Variants in SLC9A6 observed in about 807,000 individuals in gnomAD.
SLC9A6 encodes sodium/hydrogen exchanger 6.
Under a neutral mutation model 45.3 loss-of-function variants are expected in SLC9A6, and 6 were observed. That is an observed-to-expected ratio of 0.13 (90% CI 0.07 to 0.26). The LOEUF is 0.26. Among genes scored for constraint, SLC9A6 ranks in the 10% least tolerant of loss-of-function variants. The pLI, the probability that SLC9A6 is intolerant of heterozygous loss-of-function variation, is 1.00. For synonymous variants in SLC9A6, 191 were observed against 187.7 expected (o/e 1.02, Z -0.14); for missense variants, 278 against 503.7 (o/e 0.55, Z 4.29).
chrX:136,010,429 C>A lies in SLC9A6; in HGVS notation c.744-13C>A. On this transcript the variant is annotated splice_polypyrimidine_tract_variant and intron_variant, in intron 7 of 17. Transcript: ENST00000630721. ...GGTTGTTTTCAGAAGTAAAAGCAGT[C>A]TCTCTTCTGTAGCTCAATAGTGGCA... 1 of 1,209,007 alleles carries A rather than the reference C, an allele frequency of 8.3e-7. No individual in the cohort carries two copies. The highest frequency in any genetic ancestry group is 1.7e-5 in the African/African-American group (1 of 57,611).
chrX:136,010,466 T>A lies in SLC9A6; in HGVS notation c.768T>A (p.Ala256=). 1 of 1,211,738 alleles carries A rather than the reference T, an allele frequency of 8.3e-7. No homozygotes were observed. The highest frequency in any genetic ancestry group is 1.1e-6 in the Non-Finnish European group (1 of 895,140). ...LSSSIVAYQP[A]GDNSHTFDVT... ...GCTCAATAGTGGCATACCAGCCAGC[T>A]GGAGACAACAGTCACACCTTTGATG... is the stretch of plus-strand genomic sequence containing the variant. Residue 256 remains alanine (A), a synonymous_variant, in exon 8 of 18, where the codon GCT becomes GCA. Coordinates refer to ENST00000630721, the MANE Select transcript of SLC9A6 (RefSeq NM_001379110.1).
chrX:135,995,081 A>G (rs2089479909), intron 3 of SLC9A6, 96 bp downstream of exon 3: 7 of 553,245 alleles, frequency 1.3e-5, no homozygotes, highest in Non-Finnish European at 1.8e-5. Flanking sequence ...AATGATATTT[A>G]AAATAATGAG....
chrX:135,988,456 TTTTC>T (rs1235040133), intron 2 of SLC9A6, among the ~76,000 whole-genome samples: 51 of 107,433 alleles, frequency 4.7e-4, no homozygotes, highest in East Asian at 1.2e-3. Context: ...TTTCTCTCTC[TTTTC>T]TTTCTTTCTT....
chrX:136,029,860 CA>C, intron 14 of SLC9A6: 1 of 378,354 alleles, frequency 2.6e-6, no homozygotes, highest in Non-Finnish European at 4.7e-6. Context: ...GACCTATATT[CA>C]GAGAAAAAAA....
chrX:136,013,526 G>T, intron 10 of SLC9A6, 89 bp downstream of exon 10: 2 of 648,389 alleles, frequency 3.1e-6, no homozygotes, highest in Admixed American at 2.7e-5. Context: ...AATAGTCTTT[G>T]ATCTGTTCAA....
intron 11 of SLC9A6, among the ~76,000 whole-genome samples, chrX:136,016,988 C>A (rs1167092114): frequency 9.0e-6 from 1 of 111,104 alleles, no homozygotes; most frequent in African/African-American, 3.3e-5. Flanking sequence ...GACAAGTGTC[C>A]CACTGTTCTG....
At chrX:136,009,952 G>T (rs1006510186) in intron 7 of SLC9A6, among the ~76,000 whole-genome samples, 53 of 112,086 alleles carry the variant, frequency 4.7e-4, no homozygotes, top group Non-Finnish European at 3.8e-5. Flanking sequence ...AATTCTAAAA[G>T]TTGGAAGGGT....
chrX:136,020,350 T>A lies in SLC9A6; in HGVS notation c.1195-2236T>A, dbSNP rs782074027. 8.4e-3 allele frequency among the ~76,000 whole-genome samples: 940 copies of A among 111,333 alleles called. 9 individuals are homozygous for A. Among genetic ancestry groups the A allele is most frequent in the African/African-American group, 0.03 (906 of 30,620 alleles). ...TTGTTTTATTCAGTCATTTTTTAAT[T>A]ATTATTACTTTTTTTTTTGAGACAG... On this transcript the variant is annotated intron_variant, in intron 11 of 17. Transcript: ENST00000630721.
rs782056346 is a variant in SLC9A6, at chrX:135,985,725, C to T, written c.67C>T (p.Leu23Phe). ...CCACCGGCAGGACAGCGCCAACCTG[C>T]TCATCTTCATCCTGCTGCTCACCCT... is the stretch of plus-strand genomic sequence containing the variant. ...ESHRQDSANL[L>F]IFILLLTLTI... The change falls in exon 2 of 18, where the codon CTC becomes TTC. Residue 23 changes from leucine to phenylalanine, a missense_variant. Physicochemically the swap from Leu to Phe is conservative, Grantham distance 22. Coordinates refer to ENST00000630721, the MANE Select transcript of SLC9A6 (RefSeq NM_001379110.1). 1 of 1,210,024 alleles carries T rather than the reference C, an allele frequency of 8.3e-7. No homozygotes were observed. The highest frequency in any genetic ancestry group is 1.1e-6 in the Non-Finnish European group (1 of 895,138).
At chrX:135,978,086 A>G (rs1011770392) in intron 1 of SLC9A6, among the ~76,000 whole-genome samples, 1 of 112,542 alleles carries the variant, frequency 8.9e-6, no homozygotes, top group East Asian at 2.8e-4. Context: ...ATATAAAGTG[A>G]TTAGAATAGT....
At chrX:135,984,642 A>G (rs1288441403), upstream of SLC9A6, among the ~76,000 whole-genome samples, 5 of 111,773 alleles carry the variant, frequency 4.5e-5, no homozygotes, top group South Asian at 1.5e-3. Context: ...GAGGAATACT[A>G]AAGAGGAGAG....
At chrX:135,976,201 G>C (rs992107973) in intron 1 of SLC9A6, among the ~76,000 whole-genome samples, 3 of 111,023 alleles carry the variant, frequency 2.7e-5, no homozygotes, top group Admixed American at 9.6e-5. Flanking sequence ...TACAAATGTA[G>C]TTCTATTTAT....
intron 8 of SLC9A6, among the ~76,000 whole-genome samples, chrX:136,011,446 C>T (rs1275944793): frequency 1.8e-5 from 2 of 109,827 alleles, no homozygotes; most frequent in Admixed American, 9.7e-5. Context: ...TTCATCATGT[C>T]GGCCAGGCTG....
chrX:136,037,834 T>A (rs1429886169), intron 16 of SLC9A6, among the ~76,000 whole-genome samples: 3 of 112,742 alleles, frequency 2.7e-5, no homozygotes, highest in African/African-American at 9.7e-5. Flanking sequence ...CCTCCCAAAG[T>A]GCTGGGATTA....
intron 1 of SLC9A6, among the ~76,000 whole-genome samples, chrX:135,976,558 C>T (rs1016934724): frequency 2.8e-4 from 30 of 107,223 alleles, no homozygotes; most frequent in African/African-American, 8.6e-4. Context: ...GCCGAGATCA[C>T]GCCATTGCAC....
At chrX:136,015,274 T>C (rs1042776922) in intron 10 of SLC9A6, among the ~76,000 whole-genome samples, 1 of 112,806 alleles carries the variant, frequency 8.9e-6, no homozygotes, top group Non-Finnish European at 1.9e-5. Context: ...TTAAAATATA[T>C]AGTCTATGGC....
intron 6 of SLC9A6, among the ~76,000 whole-genome samples, chrX:136,001,548 A>G (rs782137179): frequency 9.0e-6 from 1 of 111,369 alleles, no homozygotes; most frequent in Non-Finnish European, 1.9e-5. Context: ...GAATATTCTC[A>G]TAGTTGGCTT....
chrX:136,042,483 G>A (rs1199661608), intron 17 of SLC9A6, among the ~76,000 whole-genome samples: 2 of 111,832 alleles, frequency 1.8e-5, no homozygotes, highest in Non-Finnish European at 1.9e-5. Flanking sequence ...TGGCCCAAAC[G>A]TAATTTTTTA....
chrX:136,018,112 T>G (rs1158455302), intron 11 of SLC9A6, among the ~76,000 whole-genome samples: 1 of 112,272 alleles, frequency 8.9e-6, no homozygotes, highest in Non-Finnish European at 1.9e-5. Context: ...CTGTTGGTTA[T>G]ACAGACCAAC....
Sources: allele counts gnomAD v4.1 joint callset (sites outside exome capture counted in the v4.1 genomes callset), GRCh38; gene constraint gnomAD v4.1.1; transcripts MANE v1.5; gene names NCBI Gene and HGNC (gene_info 2026-07-23, HGNC 2026-07-21).